Variants in CDC16 observed in about 807,000 individuals in gnomAD.
CDC16 encodes the protein cell division cycle protein 16 homolog.
CDC16 carries 34 observed loss-of-function variants against 87.0 expected under a neutral mutation model. The ratio of observed to expected loss-of-function variants is 0.39; its 90% confidence interval spans 0.30 to 0.52. The LOEUF is 0.52. Among genes scored for constraint, CDC16 ranks in the 20% least tolerant of loss-of-function variants. CDC16 has a pLI of 0.74. For missense variants in CDC16, 653 were observed against 751.9 expected, an observed-to-expected ratio of 0.87 and a Z score of 1.54; for synonymous variants, 263 against 260.6, an observed-to-expected ratio of 1.01 and a Z score of -0.09.
intron 14 of CDC16, 134 bp from the exon 15 acceptor site, chr13:114,261,753 C>T (rs183790888): frequency 3.5e-4 from 198 of 562,314 alleles, no homozygotes; most frequent in Admixed American, 6.4e-4. Flanking sequence ...CAGCAGTTAC[C>T]CTGGCCTTGT....
intron 7 of CDC16, 25 bp from the exon 8 acceptor site, chr13:114,243,831 A>G (rs200625374): frequency 7.3e-5 from 116 of 1,586,626 alleles, no homozygotes; most frequent in Non-Finnish European, 4.3e-6. Context: ...CATTGAGTTT[A>G]TGTTTACATT....
Position 114,235,033 on chromosome 13 carries a change from G to C in CDC16, c.-52G>C. ...CACGGGGCGGGGTGCTTAGGGTGCA[G>C]GAGGCGCGCGCCTAGCGGCGGAGTG... On this transcript the variant is annotated 5_prime_UTR_variant, in exon 1 of 18. Coordinates refer to ENST00000356221, the MANE Select transcript of CDC16 (RefSeq NM_001078645.3). The C allele has an allele frequency of 8.1e-7, 1 of 1,242,126 alleles. No individual in the cohort carries two copies. 76.9% of individuals were successfully genotyped at this position (1,242,126 alleles called of 1,614,324 possible). A position where few individuals can be genotyped will look rare whatever the true frequency, so the allele number is the denominator to read the frequency against.
intron 11 of CDC16, among the ~76,000 whole-genome samples, chr13:114,247,524 GAA>G (rs546374477): frequency 6.8e-6 from 1 of 147,606 alleles, no homozygotes; most frequent in African/African-American, 2.5e-5. Context: ...GGGAGAGAGA[GAA>G]AAAAAAAATC....
At position 114,246,952 on chromosome 13, in the gene CDC16, T is replaced by C; in HGVS notation, c.919T>C (p.Cys307Arg). The C allele has an allele frequency of 6.2e-7, 1 of 1,612,900 alleles. No individual in the cohort carries two copies. Among genetic ancestry groups the C allele is most frequent in the Non-Finnish European group, 8.5e-7 (1 of 1,178,908 alleles). Reference protein sequence around the residue: ...SNPVSWFAVGCYYLMVGHKNE... With the variant: ...SNPVSWFAVGRYYLMVGHKNE... ...TTAGGTGTCTTGGTTTGCAGTGGGA[T>C]GTTACTATCTCATGGTCGGTCATAA... The change falls in exon 11 of 18, where the codon TGT becomes CGT. Residue 307 changes from cysteine to arginine, a missense_variant. Transcript: ENST00000356221.
chr13:114,237,735 C>T (rs2081325328), intron 3 of CDC16, among the ~76,000 whole-genome samples: 1 of 152,266 alleles, frequency 6.6e-6, no homozygotes, highest in Admixed American at 6.5e-5. Flanking sequence ...TCTTCCTCCC[C>T]ACTCGTACGT....
At chr13:114,252,700 G>C (rs1208732218) in intron 12 of CDC16, among the ~76,000 whole-genome samples, 1 of 152,168 alleles carries the variant, frequency 6.6e-6, no homozygotes, top group Non-Finnish European at 1.5e-5. Flanking sequence ...ATATGCTACA[G>C]TCTGGTAATT....
Position 114,235,067 on chromosome 13 carries a change from G to A in CDC16, c.-18G>A. On this transcript the variant is annotated 5_prime_UTR_variant, in exon 1 of 18. Transcript: ENST00000356221. ...CGCCTAGCGGCGGAGTGTGGCGTGA[G>A]GCCGGGCCCGCGCCGCCATGAACCT... The A allele has an allele frequency of 8.0e-7, 1 of 1,247,264 alleles. No homozygotes were observed. The highest frequency in any genetic ancestry group is 1.0e-6 in the Non-Finnish European group (1 of 996,538). The allele number at this position is 1,247,264 out of a possible 1,614,324, so 77.3% of individuals were successfully genotyped here.
chr13:114,243,726 T>C, intron 7 of CDC16, 130 bp from the exon 8 acceptor site: 1 of 672,096 alleles, frequency 1.5e-6, no homozygotes, highest in South Asian at 2.2e-5. Flanking sequence ...AACCTAAAGT[T>C]ATAAGTTTTC....
intron 14 of CDC16, among the ~76,000 whole-genome samples, chr13:114,259,637 C>T (rs1029273204): frequency 3.3e-5 from 5 of 152,170 alleles, no homozygotes; most frequent in African/African-American, 9.7e-5. Flanking sequence ...AGCTTTGAAA[C>T]GTGAGAGGCA....
At chr13:114,258,918 C>T (rs1199733348) in intron 13 of CDC16, among the ~76,000 whole-genome samples, 2 of 151,712 alleles carry the variant, frequency 1.3e-5, no homozygotes, top group Middle Eastern at 3.2e-3. Flanking sequence ...TGCAACATGG[C>T]GAAACCCCAT....
At chr13:114,263,827 C>T (rs373870432) in intron 16 of CDC16, among the ~76,000 whole-genome samples, 10 of 152,156 alleles carry the variant, frequency 6.6e-5, no homozygotes, top group East Asian at 5.8e-4. Context: ...TTTAAGTGTT[C>T]CTCGCATGGT....
In CDC16 at chr13:114,257,174, A is replaced by G; in HGVS notation, c.1194A>G (p.Ala398=). The change falls in exon 13 of 18, where the codon GCA becomes GCG. Residue 398 remains alanine (A), a synonymous_variant. Transcript: ENST00000356221. ...TCTTCAGCCAAGCTCTGAGCATTGCACCGGAAGACCCTTTTGTTATGCATG... is the reference window on the plus strand; with the variant it reads ...TCTTCAGCCAAGCTCTGAGCATTGCGCCGGAAGACCCTTTTGTTATGCATG... ...ERFFSQALSI[A]PEDPFVMHEV... 6.2e-7 allele frequency: 1 copy of G among 1,613,638 alleles called. No individual in the cohort carries two copies. Among genetic ancestry groups the G allele is most frequent in the Non-Finnish European group, 8.5e-7 (1 of 1,179,642 alleles).
intron 5 of CDC16, among the ~76,000 whole-genome samples, chr13:114,239,929 C>G (rs1223467641): frequency 6.6e-6 from 1 of 151,996 alleles, no homozygotes; most frequent in Admixed American, 6.6e-5. Context: ...TACTTCATAT[C>G]TCCATGAAAT....
rs889976103 is a variant in CDC16 at position 114,239,546 on chromosome 13, G to A, written c.381+56G>A. ...CGGCGGCGAGAATTGCCCTCATTAC[G>A]TGGCAGAAACACATTATCTTCTTTT... On this transcript the variant is annotated intron_variant, in intron 5 of 17. Transcript: ENST00000356221. 227 of 1,440,618 alleles carry A rather than the reference G, an allele frequency of 1.6e-4. 2 individuals are homozygous for A. The Admixed American group carries it at 2.4e-3, about 15-fold the overall frequency. 89.2% of individuals were successfully genotyped at this position (1,440,618 alleles called of 1,614,324 possible).
chr13:114,259,206 T>G, intron 13 of CDC16, 129 bp from the exon 14 acceptor site: 1 of 554,278 alleles, frequency 1.8e-6, no homozygotes, highest in African/African-American at 2.0e-5. Context: ...TAACTTTGAA[T>G]TTTTATAATT....
intron 14 of CDC16, among the ~76,000 whole-genome samples, chr13:114,261,336 G>A (rs2082851216): frequency 6.6e-6 from 1 of 152,042 alleles, no homozygotes; most frequent in East Asian, 1.9e-4. Context: ...TATGATTGGG[G>A]CCCAGATTTG....
chr13:114,266,701 T>A (rs17291557), intron 17 of CDC16, among the ~76,000 whole-genome samples: 109 of 152,046 alleles, frequency 7.2e-4, no homozygotes, highest in African/African-American at 2.5e-3. Flanking sequence ...ACTGAATCTT[T>A]TTTTTTTTTT....
intron 5 of CDC16, among the ~76,000 whole-genome samples, chr13:114,241,162 A>C (rs960881030): frequency 2.0e-5 from 3 of 152,126 alleles, no homozygotes; most frequent in Admixed American, 6.5e-5. Context: ...ATGGCTGTTG[A>C]ACGCCTTACT....
intron 12 of CDC16, among the ~76,000 whole-genome samples, chr13:114,255,919 CA>C (rs1679847192): frequency 6.6e-6 from 1 of 152,152 alleles, no homozygotes; most frequent in Non-Finnish European, 1.5e-5. Context: ...GGTATGAGCC[CA>C]GGGGGCTCTT....
Sources: gnomAD v4.1 joint callset for allele counts (sites outside exome capture counted in the v4.1 genomes callset) on GRCh38, gnomAD v4.1.1 for gene constraint, MANE v1.5 for transcripts, NCBI Gene and HGNC (gene_info 2026-07-23, HGNC 2026-07-21) for gene names.